FOXN3: variants seen among roughly 807,000 people sequenced by gnomAD.
The protein encoded by FOXN3 is forkhead box protein N3.
FOXN3 carries 7 observed loss-of-function variants against 38.4 expected under a neutral mutation model. That is an observed-to-expected ratio of 0.18 (90% CI 0.10 to 0.34). The LOEUF (loss-of-function observed/expected upper bound fraction) is 0.34. Ranked by LOEUF, FOXN3 falls within the 10% of genes least tolerant of loss-of-function variation. FOXN3 has a pLI of 1.00. For missense variants in FOXN3, 456 were observed against 613.4 expected, an observed-to-expected ratio of 0.74 and a Z score of 2.71; for synonymous variants, 230 against 242.2, an observed-to-expected ratio of 0.95 and a Z score of 0.47.
intron 2 of FOXN3, chr14:89,409,136 T>C (rs1179384794): frequency 2.6e-5 from 4 of 152,224 alleles, no homozygotes; most frequent in Non-Finnish European, 5.9e-5. Context: ...TCGCAAATGC[T>C]GGGAACAAAC....
At chr14:89,294,007 C>T (rs1309229659) in intron 3 of FOXN3, among the ~76,000 whole-genome samples, 1 of 152,176 alleles carries the variant, frequency 6.6e-6, no homozygotes, top group Non-Finnish European at 1.5e-5. Context: ...CTGGCAAATG[C>T]TCTAGTTCAA....
At chr14:89,232,073 C>G (rs1884829777) in intron 4 of FOXN3, among the ~76,000 whole-genome samples, 1 of 152,132 alleles carries the variant, frequency 6.6e-6, no homozygotes, top group African/African-American at 2.4e-5. Context: ...CGAAACTGGG[C>G]CAAGACTGGA....
intron 4 of FOXN3, among the ~76,000 whole-genome samples, chr14:89,278,281 G>A (rs992253177): frequency 1.2e-4 from 18 of 152,122 alleles, no homozygotes; most frequent in South Asian, 2.1e-4. Context: ...ATCAGATCTC[G>A]TGAGACTTAT....
intron 1 of FOXN3, among the ~76,000 whole-genome samples, chr14:89,558,289 C>T (rs1027224653): frequency 2.0e-5 from 3 of 152,064 alleles, no homozygotes; most frequent in Admixed American, 6.5e-5. Flanking sequence ...GCAGGCAAAA[C>T]GTAGTATGAA....
intron 1 of FOXN3, among the ~76,000 whole-genome samples, chr14:89,503,698 G>T (rs1893848601): frequency 6.6e-6 from 1 of 152,202 alleles, no homozygotes; most frequent in African/African-American, 2.4e-5. Context: ...GCACAGCCTG[G>T]CTCGGTTACA....
intron 1 of FOXN3, among the ~76,000 whole-genome samples, chr14:89,597,818 A>T (rs1010798582): frequency 6.6e-6 from 1 of 152,152 alleles, no homozygotes. Context: ...GTACGTTTAT[A>T]AGAAAGGTAT....
At chr14:89,367,123 G>A (rs376526979) in intron 2 of FOXN3, among the ~76,000 whole-genome samples, 6 of 152,002 alleles carry the variant, frequency 3.9e-5, no homozygotes, top group Non-Finnish European at 8.8e-5. Flanking sequence ...TTGTTCTTGC[G>A]GAGTGGCCAT....
At chr14:89,225,127 CA>C (rs35426984) in intron 4 of FOXN3, among the ~76,000 whole-genome samples, 21,363 of 102,120 alleles carry the variant, frequency 0.21, 1,913 homozygotes, top group Non-Finnish European at 0.28. Context: ...GACTCCATCT[CA>C]AAAAAAAAAA....
chr14:89,173,284 T>C (rs1887437571), intron 5 of FOXN3, among the ~76,000 whole-genome samples: 1 of 152,224 alleles, frequency 6.6e-6, no homozygotes, highest in African/African-American at 2.4e-5. Flanking sequence ...ACCAGATTGG[T>C]TGAAATGACA....
rs1479714751 is a variant in FOXN3 at position 89,608,016 on chromosome 14, T to C, written c.-15+11012A>G. ...TTTTTTGAGACAGAGTCTCGCTCTG[T>C]CACCCAGACTGGAGTGCAGTGGCGC... On this transcript the variant is annotated intron_variant, in intron 1 of 6. Coordinates refer to the FOXN3 transcript ENST00000345097. Among the ~76,000 whole-genome samples the C allele has an allele frequency of 2.9e-4, 44 of 150,292 alleles. No homozygotes were observed. In the South Asian group the frequency reaches 5.5e-3, roughly 19 times the overall value.
At chr14:89,595,143 C>T (rs1158791592) in intron 1 of FOXN3, among the ~76,000 whole-genome samples, 4 of 150,382 alleles carry the variant, frequency 2.7e-5, no homozygotes, top group African/African-American at 9.8e-5. Context: ...GGTGAAACCC[C>T]GTCTCTACTA....
chr14:89,225,379 C>T (rs189003882), intron 4 of FOXN3, among the ~76,000 whole-genome samples: 2,076 of 151,598 alleles, frequency 0.014, 36 homozygotes, highest in Middle Eastern at 0.034. Context: ...CTGAGGCAGG[C>T]GGATCACGAG....
rs147764438 is a variant in FOXN3, at chr14:89,384,597, C to A, written c.543+27337G>T. Among the ~76,000 whole-genome samples, 391 of 152,232 alleles carry A rather than the reference C, an allele frequency of 2.6e-3. 2 individuals carry two copies. The highest frequency in any genetic ancestry group is 8.8e-3 in the African/African-American group (365 of 41,558). ...TCCTTTCTTCAACAAACATCAGCCC[C>A]ACACCTACCACAATACCAGGAATGA... On this transcript the variant is annotated intron_variant, in intron 2 of 5. Coordinates refer to ENST00000557258, the MANE Select transcript of FOXN3 (RefSeq NM_005197.4).
At chr14:89,380,121 CG>C (rs1403084336) in intron 2 of FOXN3, among the ~76,000 whole-genome samples, 1 of 152,118 alleles carries the variant, frequency 6.6e-6, no homozygotes, top group Admixed American at 6.5e-5. Flanking sequence ...TCCCACATGT[CG>C]GGGGAGGGAC....
chr14:89,369,927 T>A (rs150552468), intron 2 of FOXN3, among the ~76,000 whole-genome samples: 1 of 152,364 alleles, frequency 6.6e-6, no homozygotes, highest in African/African-American at 2.4e-5. Context: ...GGCAGCTTGA[T>A]TCTGGAATTG....
rs80030027 is a variant in FOXN3 at position 89,588,888 on chromosome 14, T to C, written c.-15+30140A>G. On this transcript the variant is annotated intron_variant, in intron 1 of 6. Transcript: ENST00000345097. ...CTTTAATACCCAGACAACTGGGCCATCTAGTTCCCATGACTGAAATACTTC... is the reference window on the plus strand; with the variant it reads ...CTTTAATACCCAGACAACTGGGCCACCTAGTTCCCATGACTGAAATACTTC... 1.7e-3 allele frequency among the ~76,000 whole-genome samples: 256 copies of C among 152,306 alleles called. 4 individuals carry two copies. In the East Asian group the frequency reaches 0.041, roughly 25 times the overall value.
chr14:89,423,528 T>A (rs963574414), intron 1 of FOXN3, among the ~76,000 whole-genome samples: 1 of 152,204 alleles, frequency 6.6e-6, no homozygotes, highest in Non-Finnish European at 1.5e-5. Context: ...GACATGCAGA[T>A]GAAAACAGGG....
intron 1 of FOXN3, among the ~76,000 whole-genome samples, chr14:89,573,188 A>G (rs1459950078): frequency 9.9e-5 from 15 of 152,204 alleles, no homozygotes; most frequent in Non-Finnish European, 7.3e-5. Flanking sequence ...CCCCGATTAG[A>G]TCAGCCGCCG....
chr14:89,336,137 T>TACACACACACACACACACACACAC lies in FOXN3; in HGVS notation c.680+14511_680+14534dup, dbSNP rs34950734. Among the ~76,000 whole-genome samples, 61 of 140,018 alleles carry TACACACACACACACACACACACAC rather than the reference T, an allele frequency of 4.4e-4. 1 individual carries two copies. The highest frequency in any genetic ancestry group is 1.5e-4 in the Admixed American group (2 of 13,792). The allele number at this position is 140,018 out of a possible 152,430, so 91.9% of individuals were successfully genotyped here. ...TTTTGTCTAAAACAGAAGTGATCCT[T>TACACACACACACACACACACACAC]ACACACACACACACACACACACACA... On this transcript the variant is annotated intron_variant, in intron 3 of 5. Coordinates refer to ENST00000557258, the MANE Select transcript of FOXN3 (RefSeq NM_005197.4).
Sources: allele counts gnomAD v4.1 joint callset (sites outside exome capture counted in the v4.1 genomes callset), GRCh38; gene constraint gnomAD v4.1.1; transcripts MANE v1.5; gene names NCBI Gene and HGNC (gene_info 2026-07-23, HGNC 2026-07-21).